Variants in ADGRB3 observed in about 807,000 individuals in gnomAD.
ADGRB3 encodes the protein brain-specific angiogenesis inhibitor 3.
ADGRB3 carries 37 observed loss-of-function variants against 193.4 expected under a neutral mutation model. The observed-to-expected ratio is 0.19, with a 90% CI of 0.15 to 0.25. The LOEUF (loss-of-function observed/expected upper bound fraction) is 0.25. Ranked by LOEUF, ADGRB3 falls within the 10% of genes least tolerant of loss-of-function variation. The probability of loss-of-function intolerance (pLI) is 1.00; values close to 1 mark genes in which losing one functional copy is unlikely to be tolerated. For missense variants in ADGRB3, 1,637 were observed against 1,852.9 expected, an observed-to-expected ratio of 0.88 and a Z score of 2.14; for synonymous variants, 690 against 644.2, an observed-to-expected ratio of 1.07 and a Z score of -1.08.
At chr6:69,387,842 C>T (rs972613459) in intron 31 of ADGRB3, among the ~76,000 whole-genome samples, 12 of 151,980 alleles carry the variant, frequency 7.9e-5, no homozygotes, top group African/African-American at 1.4e-4. Context: ...ATCAGTTAAA[C>T]GCCAGATTTG....
chr6:68,794,972 A>T (rs1442627406), intron 3 of ADGRB3, among the ~76,000 whole-genome samples: 1 of 152,056 alleles, frequency 6.6e-6, no homozygotes, highest in South Asian at 2.1e-4. Context: ...TTCTATATAA[A>T]TTTTTATAAA....
intron 26 of ADGRB3, among the ~76,000 whole-genome samples, chr6:69,345,422 C>A (rs539294636): frequency 2.6e-5 from 4 of 152,236 alleles, no homozygotes; most frequent in Admixed American, 2.0e-4. Context: ...TTGGCTTCAT[C>A]CCTGGGATGC....
At chr6:68,822,800 G>A (rs1013412711) in intron 3 of ADGRB3, among the ~76,000 whole-genome samples, 1 of 151,836 alleles carries the variant, frequency 6.6e-6, no homozygotes, top group African/African-American at 2.4e-5. Context: ...TTTTAGATTC[G>A]GGATTCAATG....
chr6:69,054,396 A>G (rs1771485681), intron 15 of ADGRB3, among the ~76,000 whole-genome samples: 1 of 152,186 alleles, frequency 6.6e-6, no homozygotes, highest in Admixed American at 6.5e-5. Context: ...AGACATAATC[A>G]CTTTTACACA....
At chr6:68,948,657 C>A (rs1268334928) in intron 6 of ADGRB3, among the ~76,000 whole-genome samples, 1 of 151,998 alleles carries the variant, frequency 6.6e-6, no homozygotes, top group Non-Finnish European at 1.5e-5. Context: ...ATTAGAGGAG[C>A]TAATGATTTA....
At chr6:69,331,236 A>C (rs752355645) in intron 23 of ADGRB3, among the ~76,000 whole-genome samples, 26 of 152,172 alleles carry the variant, frequency 1.7e-4, no homozygotes, top group Non-Finnish European at 3.2e-4. Context: ...TTCTCTTTTG[A>C]AACCACAAAA....
At chr6:68,760,116 G>C (rs1441031214) in intron 3 of ADGRB3, among the ~76,000 whole-genome samples, 1 of 152,082 alleles carries the variant, frequency 6.6e-6, no homozygotes, top group Non-Finnish European at 1.5e-5. Context: ...CAGTACTTCT[G>C]ATCATTGTAT....
At position 68,772,892 on chromosome 6, in the gene ADGRB3, A is replaced by ATAT. The variant is rs1293211041; in HGVS notation, c.757+133460_757+133461insTAT. Among the ~76,000 whole-genome samples the ATAT allele has an allele frequency of 6.6e-3, 200 of 30,392 alleles. 1 individual carries two copies. The highest frequency in any genetic ancestry group is 8.9e-3 in the Non-Finnish European group (158 of 17,780). The allele number at this position is 30,392 out of a possible 152,430, so 19.9% of individuals were successfully genotyped here. On this transcript the variant is annotated intron_variant, in intron 3 of 31. Transcript: ENST00000370598. ...AAACAAACAAACAAACAAAAAAAAA[A>ATAT]AAATATATATATATATATATATATA...
chr6:68,965,142 A>G (rs1768342538), intron 8 of ADGRB3, among the ~76,000 whole-genome samples: 2 of 152,218 alleles, frequency 1.3e-5, no homozygotes, highest in South Asian at 4.1e-4. Flanking sequence ...TTATGTAAAT[A>G]TTGCTGATAT....
At chr6:68,956,212 A>G (rs765579728) in intron 7 of ADGRB3, 24 bp downstream of exon 7, 7 of 1,588,836 alleles carry the variant, frequency 4.4e-6, no homozygotes, top group East Asian at 4.5e-5. Flanking sequence ...CCTGCATATC[A>G]TGGGCACTCG....
intron 26 of ADGRB3, among the ~76,000 whole-genome samples, chr6:69,343,855 A>G (rs1769031010): frequency 6.6e-6 from 1 of 152,208 alleles, no homozygotes; most frequent in African/African-American, 2.4e-5. Flanking sequence ...TACAATGAGT[A>G]TGGAGGTGTT....
At chr6:69,030,272 C>G (rs1373321971) in intron 13 of ADGRB3, among the ~76,000 whole-genome samples, 1 of 151,972 alleles carries the variant, frequency 6.6e-6, no homozygotes, top group Non-Finnish European at 1.5e-5. Flanking sequence ...AGGTATATAC[C>G]CAAAGGATTA....
intron 17 of ADGRB3, among the ~76,000 whole-genome samples, chr6:69,142,361 T>C (rs1774364531): frequency 6.6e-6 from 1 of 152,196 alleles, no homozygotes; most frequent in Admixed American, 6.5e-5. Flanking sequence ...AAAGTATATC[T>C]GTCTTTTGTG....
chr6:68,694,427 A>G (rs1445305165), intron 3 of ADGRB3, among the ~76,000 whole-genome samples: 1 of 151,920 alleles, frequency 6.6e-6, no homozygotes, highest in East Asian at 1.9e-4. Context: ...CTATACTGAG[A>G]TTTATCGAAG....
intron 3 of ADGRB3, among the ~76,000 whole-genome samples, chr6:68,884,204 G>A (rs1765833232): frequency 6.6e-6 from 1 of 152,030 alleles, no homozygotes; most frequent in Non-Finnish European, 1.5e-5. Context: ...CACTTCCTTA[G>A]TAGGTACTTT....
intron 3 of ADGRB3, among the ~76,000 whole-genome samples, chr6:68,813,072 G>T (rs2127376615): frequency 6.6e-6 from 1 of 152,218 alleles, no homozygotes; most frequent in Middle Eastern, 3.4e-3. Flanking sequence ...ACGTGTTGTG[G>T]GAGGGACCCA....
At chr6:69,046,505 A>G (rs576164693) in intron 13 of ADGRB3, among the ~76,000 whole-genome samples, 1 of 152,316 alleles carries the variant, frequency 6.6e-6, no homozygotes, top group African/African-American at 2.4e-5. Flanking sequence ...TAAAGAAACT[A>G]TGTTAGAGCT....
chr6:69,068,505 G>A (rs1201114481), intron 16 of ADGRB3, among the ~76,000 whole-genome samples: 1 of 152,142 alleles, frequency 6.6e-6, no homozygotes, highest in Non-Finnish European at 1.5e-5. Context: ...ACTTTGTGCA[G>A]CCATTATTGG....
chr6:68,707,874 A>G (rs1412580864), intron 3 of ADGRB3, among the ~76,000 whole-genome samples: 1 of 152,194 alleles, frequency 6.6e-6, no homozygotes, highest in Non-Finnish European at 1.5e-5. Context: ...GGACAATTAG[A>G]CTAAGTCCAT....
Sources: allele counts gnomAD v4.1 joint callset (sites outside exome capture counted in the v4.1 genomes callset), GRCh38; gene constraint gnomAD v4.1.1; transcripts MANE v1.5; gene names NCBI Gene and HGNC (gene_info 2026-07-23, HGNC 2026-07-21).